COL15A1: variants seen among roughly 807,000 people sequenced by gnomAD.
The protein encoded by COL15A1 is collagen alpha-1(XV) chain.
In COL15A1, 111 loss-of-function variants were observed where a neutral mutation model predicts 165.9. That is an observed-to-expected ratio of 0.67 (90% CI 0.57 to 0.78). COL15A1 has a LOEUF of 0.78. Ranked by LOEUF, COL15A1 falls within the 30% of genes least tolerant of loss-of-function variation. The pLI, the probability that COL15A1 is intolerant of heterozygous loss-of-function variation, is 0.00. For synonymous variants in COL15A1, 659 were observed against 674.8 expected, an observed-to-expected ratio of 0.98 and a Z score of 0.36; for missense variants, 1,745 against 1,789.7, an observed-to-expected ratio of 0.98 and a Z score of 0.45.
Position 99,007,596 on chromosome 9 carries a change from G to A in COL15A1, c.1353+2546G>A, listed in dbSNP as rs548105190. On this transcript the variant is annotated intron_variant, in intron 9 of 41. Transcript: ENST00000375001. The stretch of plus-strand genomic sequence containing the variant: ...GCCCTACAAGAGAAAATAGCGGGAG[G>A]GAGAAAAACAACAAATAAAAAAAGA... Among the ~76,000 whole-genome samples the A allele has an allele frequency of 3.1e-4, 47 of 152,018 alleles. 1 individual carries two copies. In the South Asian group the frequency reaches 6.8e-3, roughly 22 times the overall value.
At chr9:99,035,479 A>G in intron 19 of COL15A1, 61 bp downstream of exon 19, 1 of 1,606,628 alleles carries the variant, frequency 6.2e-7, no homozygotes, top group Non-Finnish European at 8.5e-7. Context: ...ACAGTGAGGA[A>G]GCTGTGGGCT....
intron 11 of COL15A1, among the ~76,000 whole-genome samples, chr9:99,016,747 G>A (rs1021298556): frequency 5.9e-5 from 9 of 152,232 alleles, no homozygotes; most frequent in Admixed American, 4.6e-4. Context: ...AAGAGGGACT[G>A]CTCTTCCAAT....
Position 99,004,916 on chromosome 9 carries a change from C to A in COL15A1, c.1219C>A (p.Arg407Ser). 6.2e-7 allele frequency: 1 copy of A among 1,614,054 alleles called. No individual in the cohort carries two copies. Among genetic ancestry groups the A allele is most frequent in the Non-Finnish European group, 8.5e-7 (1 of 1,179,964 alleles). The change falls in exon 9 of 42, where the codon CGT becomes AGT. Residue 407 changes from arginine (R) to serine (S), a missense_variant. Transcript: ENST00000375001. Reference protein sequence around the residue: ...GVTPGPDNEERLAATAAGEAE... With the variant: ...GVTPGPDNEESLAATAAGEAE... ...TATTCAGGGTCCAGATAATGAAGAGCGTTTAGCAGCAACAGCAGCAGGGGA... is the reference window on the plus strand; with the variant it reads ...TATTCAGGGTCCAGATAATGAAGAGAGTTTAGCAGCAACAGCAGCAGGGGA...
At chr9:99,005,187 G>T in intron 9 of COL15A1, 137 bp downstream of exon 9, 10 of 938,666 alleles carry the variant, frequency 1.1e-5, no homozygotes, top group Non-Finnish European at 1.5e-5. Context: ...TCACTTGGGG[G>T]TGGAGTTTGC....
chr9:98,987,387 CCA>C lies in COL15A1; in HGVS notation c.723+22_723+23del. ...GTCCTCGGTGAGCTCCCCTACTATCCCACAGTGGGCCCTGCAACCCCAGCAGC... is the reference window on the plus strand; with the variant it reads ...GTCCTCGGTGAGCTCCCCTACTATCCCAGTGGGCCCTGCAACCCCAGCAGC... On this transcript the variant is annotated intron_variant, in intron 4 of 41. Transcript: ENST00000375001. 1 of 1,594,020 alleles carries C rather than the reference CCA, an allele frequency of 6.3e-7. No individual in the cohort carries two copies. The highest frequency in any genetic ancestry group is 8.6e-7 in the Non-Finnish European group (1 of 1,168,970).
At chr9:98,962,455 G>A (rs1837879774) in intron 2 of COL15A1, among the ~76,000 whole-genome samples, 1 of 152,212 alleles carries the variant, frequency 6.6e-6, no homozygotes, top group Non-Finnish European at 1.5e-5. Flanking sequence ...TTACTCAGTG[G>A]TTGGTAATTT....
In COL15A1 at chr9:99,013,237, T is replaced by A. The variant is rs539776089; in HGVS notation, c.1354-2180T>A. Among the ~76,000 whole-genome samples, 17 of 152,234 alleles carry A rather than the reference T, an allele frequency of 1.1e-4. No individual in the cohort carries two copies. The South Asian group carries it at 3.3e-3, about 30-fold the overall frequency. Reference sequence around the variant, plus strand: ...TATGCACTTCCTGAATGAGGCTTTTTAAACTAATTTTGTTGGGGGTTCCCT... The same window carrying A: ...TATGCACTTCCTGAATGAGGCTTTTAAAACTAATTTTGTTGGGGGTTCCCT... On this transcript the variant is annotated intron_variant, in intron 9 of 41. Coordinates refer to ENST00000375001, the MANE Select transcript of COL15A1 (RefSeq NM_001855.5).
At chr9:98,974,860 G>A (rs528465922) in intron 2 of COL15A1, among the ~76,000 whole-genome samples, 1 of 152,346 alleles carries the variant, frequency 6.6e-6, no homozygotes, top group South Asian at 2.1e-4. Flanking sequence ...CCCAGGAGGG[G>A]CACCTTCAGC....
chr9:99,026,950 T>C (rs941134942), intron 16 of COL15A1, among the ~76,000 whole-genome samples: 2 of 152,236 alleles, frequency 1.3e-5, no homozygotes, highest in African/African-American at 4.8e-5. Context: ...TAGTGTTTGA[T>C]GCATGAATGA....
chr9:99,006,663 C>G (rs543035930), intron 9 of COL15A1, among the ~76,000 whole-genome samples: 43 of 152,234 alleles, frequency 2.8e-4, no homozygotes, highest in Non-Finnish European at 4.7e-4. Context: ...CTTTCTCCTC[C>G]TCTTCTTCTC....
chr9:98,963,286 A>G (rs550675702), intron 2 of COL15A1, among the ~76,000 whole-genome samples: 18 of 152,186 alleles, frequency 1.2e-4, no homozygotes, highest in African/African-American at 4.3e-4. Context: ...AGTCCCCCCA[A>G]ACACCTTACT....
At chr9:99,026,938 A>G (rs1839136393) in intron 16 of COL15A1, among the ~76,000 whole-genome samples, 1 of 152,176 alleles carries the variant, frequency 6.6e-6, no homozygotes, top group South Asian at 2.1e-4. Flanking sequence ...ACAAGCCTCT[A>G]TTAGTGTTTG....
chr9:99,010,783 CTT>C (rs1349060646), intron 9 of COL15A1, among the ~76,000 whole-genome samples: 1 of 152,334 alleles, frequency 6.6e-6, no homozygotes, highest in African/African-American at 2.4e-5. Context: ...AAAAAATATT[CTT>C]TTTGTTAATC....
chr9:99,011,051 G>T (rs1265903115), intron 9 of COL15A1, among the ~76,000 whole-genome samples: 1 of 152,190 alleles, frequency 6.6e-6, no homozygotes, highest in African/African-American at 2.4e-5. Context: ...AGCTGAAAAT[G>T]AGTTGAAGAT....
At chr9:99,058,827 C>T (rs551318837) in intron 35 of COL15A1, among the ~76,000 whole-genome samples, 2 of 152,320 alleles carry the variant, frequency 1.3e-5, no homozygotes, top group East Asian at 3.9e-4. Context: ...ATCCACTAGA[C>T]ATTTGCCACC....
Position 99,038,726 on chromosome 9 carries a change from G to A in COL15A1, c.2468G>A (p.Gly823Glu). 3 of 1,604,554 alleles carry A rather than the reference G, an allele frequency of 1.9e-6. No individual in the cohort carries two copies. Among genetic ancestry groups the A allele is most frequent in the Non-Finnish European group, 1.7e-6 (2 of 1,171,450 alleles). The part of the protein sequence containing the change: ...MNFSDIPELV[G>E]PPGPDGLPGL... ...TTCTCGGACATTCCTGAGCTGGTGG[G>A]GCCTCCGGTTGGTATCTACAGCTGC... is the stretch of plus-strand genomic sequence containing the variant. The change falls in exon 22 of 42, where the codon GGG (glycine) becomes GAG (glutamate). Residue 823 changes from glycine (G) to glutamate (E), a missense_variant. Physicochemically the swap from Gly to Glu is moderately conservative, Grantham distance 98 (BLOSUM62 -2). Coordinates refer to ENST00000375001, the MANE Select transcript of COL15A1 (RefSeq NM_001855.5).
At position 99,062,096 on chromosome 9, in the gene COL15A1, A is replaced by G. The variant is rs770351419; in HGVS notation, c.3528A>G (p.Leu1176=). 6.2e-6 allele frequency: 10 copies of G among 1,614,068 alleles called. No homozygotes were observed. Among genetic ancestry groups the G allele is most frequent in the Admixed American group, 1.7e-5 (1 of 59,988 alleles). ...FIRVRDGWKK[L]QLGELIPIPA... is the part of the protein sequence containing the mutation. ...GTGTTAGAGATGGCTGGAAAAAATT[A>G]CAGGTAATTTCTAAACTTCCTTTAA... The change falls in exon 37 of 42, where the codon TTA becomes TTG. Residue 1176 remains leucine, a synonymous_variant. Coordinates refer to ENST00000375001, the MANE Select transcript of COL15A1 (RefSeq NM_001855.5).
In COL15A1 at chr9:99,062,036, C is replaced by T. The variant is rs1337148919; in HGVS notation, c.3468C>T (p.Phe1156=). 1.2e-6 allele frequency: 2 copies of T among 1,614,076 alleles called. No homozygotes were observed. The highest frequency in any genetic ancestry group is 1.7e-6 in the Non-Finnish European group (2 of 1,179,968). Residue 1156 remains phenylalanine, a synonymous_variant, in exon 37 of 42, where the codon TTC becomes TTT. Transcript: ENST00000375001. ...CGCATTTGGTTATAGAAGGAACATT[C>T]ATCTACCTGAGGGACAGCACTGAGT... ...QKAHLVIEGT[F]IYLRDSTEFF...
intron 5 of COL15A1, among the ~76,000 whole-genome samples, chr9:98,990,751 G>A (rs752073960): frequency 1.3e-4 from 20 of 152,220 alleles, no homozygotes; most frequent in Non-Finnish European, 2.6e-4. Context: ...AGAGAAGTGG[G>A]AGGGGAAGGA....
Sources: gnomAD v4.1 joint callset for allele counts (sites outside exome capture counted in the v4.1 genomes callset) on GRCh38, gnomAD v4.1.1 for gene constraint, MANE v1.5 for transcripts, NCBI Gene and HGNC (gene_info 2026-07-23, HGNC 2026-07-21) for gene names.